Variants in SLX4IP observed in about 807,000 individuals in gnomAD.
SLX4IP encodes the protein SLX4 interacting protein.
SLX4IP carries 34 observed loss-of-function variants against 32.9 expected under a neutral mutation model. The ratio of observed to expected loss-of-function variants is 1.03; its 90% CI spans 0.79 to 1.38. The LOEUF (loss-of-function observed/expected upper bound fraction) is 1.38, where lower values mean the gene tolerates loss of function less well. SLX4IP is among the 40% of genes most tolerant of loss of function. The pLI is 0.00. For synonymous variants in SLX4IP, 172 were observed against 171.7 expected, an observed-to-expected ratio of 1.00 and a Z score of -0.01; for missense variants, 444 against 479.0, an observed-to-expected ratio of 0.93 and a Z score of 0.68.
intron 2 of SLX4IP, among the ~76,000 whole-genome samples, chr20:10,538,938 A>T (rs2067557129): frequency 6.6e-6 from 1 of 152,236 alleles, no homozygotes; most frequent in African/African-American, 2.4e-5. Flanking sequence ...TTAAGGAATT[A>T]AGGGTGGGGA....
At chr20:10,517,098 A>G (rs2065857543) in intron 2 of SLX4IP, among the ~76,000 whole-genome samples, 1 of 152,238 alleles carries the variant, frequency 6.6e-6, no homozygotes, top group African/African-American at 2.4e-5. Flanking sequence ...CTTGCATATA[A>G]GAAAGCATTC....
At chr20:10,611,599 C>T (rs993736545) in intron 6 of SLX4IP, among the ~76,000 whole-genome samples, 1 of 152,120 alleles carries the variant, frequency 6.6e-6, no homozygotes, top group African/African-American at 2.4e-5. Context: ...CTTGTTAGTT[C>T]AGTAGTTTGA....
rs145352301 is a variant in SLX4IP, at chr20:10,551,002, T to C, written c.28-5229T>C. 5.8e-3 allele frequency among the ~76,000 whole-genome samples: 877 copies of C among 152,300 alleles called. 7 individuals are homozygous for C. The highest frequency in any genetic ancestry group is 0.02 in the African/African-American group (831 of 41,562). The stretch of plus-strand genomic sequence containing the variant: ...GCAGGTGTTTCAGATGATCAATGAG[T>C]GCATGAGAGAATGTGGGGACCTTTC... On this transcript the variant is annotated intron_variant, in intron 2 of 7. Transcript: ENST00000334534.
At chr20:10,621,192 G>C in intron 6 of SLX4IP, 122 bp from the exon 7 acceptor site, 1 of 848,328 alleles carries the variant, frequency 1.2e-6, no homozygotes. Context: ...GCTTACCACT[G>C]AGCAGTTTCA....
At chr20:10,477,170 CTT>C (rs57127775) in intron 2 of SLX4IP, among the ~76,000 whole-genome samples, 1 of 150,310 alleles carries the variant, frequency 6.7e-6, no homozygotes, top group East Asian at 2.0e-4. Flanking sequence ...AGGGAATTCT[CTT>C]TTTTTTTTGA....
intron 6 of SLX4IP, among the ~76,000 whole-genome samples, chr20:10,607,108 T>C (rs2066914082): frequency 6.6e-6 from 1 of 152,214 alleles, no homozygotes; most frequent in Non-Finnish European, 1.5e-5. Flanking sequence ...TATGAGGTCC[T>C]TTTTATTCCG....
At chr20:10,460,189 A>G (rs148967933) in intron 2 of SLX4IP, among the ~76,000 whole-genome samples, 6 of 152,212 alleles carry the variant, frequency 3.9e-5, no homozygotes, top group African/African-American at 1.2e-4. Context: ...TGGTTTTAGA[A>G]TTCTAGGTTG....
At chr20:10,583,589 G>A (rs2066610423) in intron 4 of SLX4IP, among the ~76,000 whole-genome samples, 1 of 152,144 alleles carries the variant, frequency 6.6e-6, no homozygotes, top group Non-Finnish European at 1.5e-5. Flanking sequence ...TATTTTCTGT[G>A]GATTGGTGGT....
chr20:10,584,605 C>G (rs1156909506), intron 4 of SLX4IP, among the ~76,000 whole-genome samples: 2 of 152,166 alleles, frequency 1.3e-5, no homozygotes, highest in Admixed American at 6.5e-5. Flanking sequence ...TTCTCTGGCT[C>G]TCACCCCAGG....
chr20:10,616,904 G>GCCT (rs1412658752), intron 6 of SLX4IP, among the ~76,000 whole-genome samples: 2 of 152,194 alleles, frequency 1.3e-5, no homozygotes, highest in African/African-American at 4.8e-5. Flanking sequence ...TCCCTCAAGG[G>GCCT]CCTCAAGCAT....
intron 1 of SLX4IP, among the ~76,000 whole-genome samples, chr20:10,446,141 C>T (rs879557368): frequency 1.3e-5 from 2 of 151,556 alleles, no homozygotes; most frequent in African/African-American, 2.4e-5. Flanking sequence ...TGGCCGGATG[C>T]GGTGGCTCAT....
At chr20:10,548,197 A>G (rs2066182862) in intron 2 of SLX4IP, among the ~76,000 whole-genome samples, 1 of 152,162 alleles carries the variant, frequency 6.6e-6, no homozygotes, top group African/African-American at 2.4e-5. Context: ...GACTTCCTGC[A>G]CCAGGACATT....
chr20:10,439,560 C>T (rs1207652054), intron 1 of SLX4IP, among the ~76,000 whole-genome samples: 2 of 152,174 alleles, frequency 1.3e-5, no homozygotes, highest in Non-Finnish European at 2.9e-5. Context: ...CTTCTGTATA[C>T]AGTGAAACCA....
chr20:10,588,510 C>T (rs900504330), intron 4 of SLX4IP, among the ~76,000 whole-genome samples: 1 of 151,902 alleles, frequency 6.6e-6, no homozygotes, highest in Non-Finnish European at 1.5e-5. Flanking sequence ...GGTATATATA[C>T]AAAGGAAATG....
At chr20:10,613,926 TC>T in intron 6 of SLX4IP, 1 of 1,281,288 alleles carries the variant, frequency 7.8e-7, no homozygotes, top group Non-Finnish European at 1.1e-6. Context: ...CCAATACGCC[TC>T]CCAGTCTTGA....
At chr20:10,449,514 C>T (rs1484903674) in intron 1 of SLX4IP, among the ~76,000 whole-genome samples, 1 of 152,122 alleles carries the variant, frequency 6.6e-6, no homozygotes, top group African/African-American at 2.4e-5. Context: ...TGCTAGTTTG[C>T]CCTCAGTGGA....
chr20:10,626,070 A>G lies in SLX4IP; in HGVS notation c.*2691A>G, dbSNP rs1238436926. The G allele has an allele frequency of 2.3e-5, 3 of 133,042 alleles. No individual in the cohort carries two copies. Among genetic ancestry groups the G allele is most frequent in the African/African-American group, 5.8e-5 (2 of 34,436 alleles). 8.2% of individuals were successfully genotyped at this position (133,042 alleles called of 1,614,324 possible). ...CGCTCTGTCGCCCAGGCTGGAGTGC[A>G]GTGGGGCGATCTTGGCTCACTGCAA... On this transcript the variant is annotated 3_prime_UTR_variant, in exon 8 of 8. Transcript: ENST00000334534.
At chr20:10,613,262 G>A in intron 6 of SLX4IP, 1 of 622,176 alleles carries the variant, frequency 1.6e-6, no homozygotes, top group Non-Finnish European at 2.8e-6. Flanking sequence ...TGCTTTCTAG[G>A]AAATACTAAG....
intron 2 of SLX4IP, among the ~76,000 whole-genome samples, chr20:10,553,808 C>G (rs1177797482): frequency 6.6e-6 from 1 of 152,168 alleles, no homozygotes; most frequent in Non-Finnish European, 1.5e-5. Flanking sequence ...CTGGTTGCAA[C>G]ACACTAAACT....
Sources: allele counts gnomAD v4.1 joint callset (sites outside exome capture counted in the v4.1 genomes callset), GRCh38; gene constraint gnomAD v4.1.1; transcripts MANE v1.5; gene names NCBI Gene and HGNC (gene_info 2026-07-23, HGNC 2026-07-21).